Variants in THSD7B observed in about 807,000 individuals in gnomAD.
The protein encoded by THSD7B is thrombospondin type-1 domain-containing protein 7B.
In THSD7B, 138 loss-of-function variants were observed where a neutral mutation model predicts 213.6. That is an observed-to-expected ratio of 0.65 (90% CI 0.56 to 0.74). The LOEUF (loss-of-function observed/expected upper bound fraction) is 0.74, where lower values mean the gene tolerates loss of function less well. Among genes scored for constraint, THSD7B ranks in the 30% least tolerant of loss-of-function variants. The probability of loss-of-function intolerance (pLI) is 0.00; values close to 1 mark genes in which losing one functional copy is unlikely to be tolerated. For missense variants in THSD7B, 1,931 were observed against 1,991.5 expected (o/e 0.97, Z 0.58); for synonymous variants, 742 against 687.0 (o/e 1.08, Z -1.25).
chr2:137,459,374 C>G (rs1687833764), intron 15 of THSD7B, among the ~76,000 whole-genome samples: 1 of 151,966 alleles, frequency 6.6e-6, no homozygotes. Context: ...ACTTAAGATT[C>G]AAGATAGAAA....
chr2:136,984,349 A>G (rs976080137), intron 2 of THSD7B, among the ~76,000 whole-genome samples: 2 of 152,244 alleles, frequency 1.3e-5, no homozygotes, highest in African/African-American at 2.4e-5. Flanking sequence ...AGATCCCTCC[A>G]TGAATGGTTT....
intron 10 of THSD7B, among the ~76,000 whole-genome samples, chr2:137,265,963 T>G (rs535611603): frequency 2.5e-4 from 38 of 152,322 alleles, no homozygotes; most frequent in Admixed American, 4.6e-4. Context: ...GCCTTGCAAT[T>G]GTAGTTTAAT....
intron 15 of THSD7B, among the ~76,000 whole-genome samples, chr2:137,456,207 T>G (rs112927887): frequency 8.8e-4 from 134 of 152,316 alleles, no homozygotes; most frequent in African/African-American, 3.1e-3. Flanking sequence ...AAATGAATAA[T>G]GTAATAAATT....
At chr2:136,818,518 G>T (rs1304573186) in intron 1 of THSD7B, among the ~76,000 whole-genome samples, 3 of 151,476 alleles carry the variant, frequency 2.0e-5, no homozygotes, top group African/African-American at 7.3e-5. Flanking sequence ...TGCACAATGT[G>T]CAGATGTACC....
intron 15 of THSD7B, among the ~76,000 whole-genome samples, chr2:137,554,256 T>A (rs1022537414): frequency 6.6e-6 from 1 of 152,214 alleles, no homozygotes; most frequent in Non-Finnish European, 1.5e-5. Context: ...CCTTCAATAA[T>A]TGTTTCAATT....
At chr2:137,513,859 A>G (rs1475014891) in intron 15 of THSD7B, among the ~76,000 whole-genome samples, 1 of 152,216 alleles carries the variant, frequency 6.6e-6, no homozygotes, top group Non-Finnish European at 1.5e-5. Flanking sequence ...AGTGATATCC[A>G]GAGGGTCTGA....
rs149218051 is a variant in THSD7B at position 137,369,766 on chromosome 2, C to T, written c.2501-35847C>T. Among the ~76,000 whole-genome samples the T allele has an allele frequency of 7.7e-3, 1,176 of 152,224 alleles. 11 individuals are homozygous for T. The highest frequency in any genetic ancestry group is 0.027 in the African/African-American group (1,110 of 41,540). On this transcript the variant is annotated intron_variant, in intron 12 of 27. Transcript: ENST00000409968. ...CTATCAACAGAGTTTTCTCTGTGTCCTGTTCTAATTTCTCCTTCTGGAGGT... is the reference window on the plus strand; with the variant it reads ...CTATCAACAGAGTTTTCTCTGTGTCTTGTTCTAATTTCTCCTTCTGGAGGT...
intron 7 of THSD7B, among the ~76,000 whole-genome samples, chr2:137,210,960 G>A (rs961963841): frequency 3.9e-5 from 6 of 151,922 alleles, no homozygotes; most frequent in African/African-American, 9.7e-5. Context: ...AAAGGAAAAT[G>A]TATTCATAAT....
intron 20 of THSD7B, among the ~76,000 whole-genome samples, chr2:137,638,333 T>C (rs1682872555): frequency 6.6e-6 from 1 of 152,146 alleles, no homozygotes; most frequent in Admixed American, 6.5e-5. Flanking sequence ...TCATGAGATA[T>C]GATGGGTTTA....
intron 2 of THSD7B, chr2:136,991,005 A>T: frequency 8.5e-7 from 1 of 1,170,016 alleles, no homozygotes; most frequent in Non-Finnish European, 1.2e-6. Context: ...GGCACAGGTG[A>T]ATACCTGTCC....
At chr2:137,067,215 A>G (rs1687398955) in intron 3 of THSD7B, among the ~76,000 whole-genome samples, 1 of 152,078 alleles carries the variant, frequency 6.6e-6, no homozygotes, top group Non-Finnish European at 1.5e-5. Context: ...AGCTTTTCAA[A>G]CTATGCTTTT....
In THSD7B at chr2:137,268,345, G is replaced by A. The variant is rs914042253; in HGVS notation, c.2267-4188G>A. Among the ~76,000 whole-genome samples the A allele has an allele frequency of 3.3e-4, 32 of 97,910 alleles. 1 individual carries two copies. Among genetic ancestry groups the A allele is most frequent in the Middle Eastern group, 5.5e-3 (1 of 182 alleles). The allele number at this position is 97,910 out of a possible 152,430, so 64.2% of individuals were successfully genotyped here. A position where few individuals can be genotyped will look rare whatever the true frequency, so the allele number is the denominator to read the frequency against. On this transcript the variant is annotated intron_variant, in intron 10 of 27. Transcript: ENST00000409968. Reference sequence around the variant, plus strand: ...CAGGCCCCAGTGTGTGATGTTCCCCGCCCTACGTCCAAGTATTCTCATTGT... The same window carrying A: ...CAGGCCCCAGTGTGTGATGTTCCCCACCCTACGTCCAAGTATTCTCATTGT...
At chr2:137,625,639 C>G (rs1245788222) in intron 20 of THSD7B, among the ~76,000 whole-genome samples, 1 of 152,198 alleles carries the variant, frequency 6.6e-6, no homozygotes, top group African/African-American at 2.4e-5. Context: ...AGGCCTTGGG[C>G]AACCCCACCT....
intron 2 of THSD7B, among the ~76,000 whole-genome samples, chr2:136,988,462 T>G (rs757071625): frequency 2.0e-5 from 3 of 152,186 alleles, no homozygotes; most frequent in Non-Finnish European, 4.4e-5. Flanking sequence ...AGTTTGAGAT[T>G]GCTGAATCTT....
At chr2:137,218,425 T>C (rs1311383440) in intron 7 of THSD7B, among the ~76,000 whole-genome samples, 3 of 152,114 alleles carry the variant, frequency 2.0e-5, no homozygotes, top group African/African-American at 4.8e-5. Context: ...ATATCTTAAG[T>C]GAAAGTGTGA....
chr2:137,074,839 T>G (rs931211061), intron 3 of THSD7B, among the ~76,000 whole-genome samples: 1 of 152,322 alleles, frequency 6.6e-6, no homozygotes, highest in South Asian at 2.1e-4. Flanking sequence ...TCTCCTTCAG[T>G]TATGAAGCTT....
chr2:137,247,046 T>G (rs1401382119), intron 10 of THSD7B, among the ~76,000 whole-genome samples: 2 of 152,204 alleles, frequency 1.3e-5, no homozygotes, highest in Admixed American at 6.5e-5. Context: ...TTTTACAATA[T>G]GTCTTCACAT....
intron 2 of THSD7B, among the ~76,000 whole-genome samples, chr2:136,933,824 T>C (rs1684673586): frequency 6.6e-6 from 1 of 152,188 alleles, no homozygotes; most frequent in South Asian, 2.1e-4. Flanking sequence ...TGAACCTAAC[T>C]GAAAATTTTA....
chr2:137,005,824 A>G (rs953554052), intron 2 of THSD7B, among the ~76,000 whole-genome samples: 50 of 152,334 alleles, frequency 3.3e-4, no homozygotes, highest in Non-Finnish European at 5.4e-4. Flanking sequence ...ATAAAAAATA[A>G]TAAGTCATTG....
Sources: allele counts gnomAD v4.1 joint callset (sites outside exome capture counted in the v4.1 genomes callset), GRCh38; gene constraint gnomAD v4.1.1; transcripts MANE v1.5; gene names NCBI Gene and HGNC (gene_info 2026-07-23, HGNC 2026-07-21).